WDR3: variants seen among roughly 807,000 people sequenced by gnomAD.
WDR3 encodes WD repeat domain 3.
A neutral mutation model predicts 123.7 loss-of-function variants in WDR3; 81 were observed. The ratio of observed to expected loss-of-function variants is 0.65; its 90% CI spans 0.55 to 0.79. WDR3 has a LOEUF of 0.79. Ranked by LOEUF, WDR3 falls within the 30% of genes least tolerant of loss-of-function variation. WDR3 has a pLI of 0.00. For missense variants in WDR3, 1,027 were observed against 1,123.2 expected (o/e 0.91, Z 1.22); for synonymous variants, 390 against 388.8 (o/e 1.00, Z -0.04).
In WDR3 at chr1:117,940,838, G is replaced by A. The variant is rs147020548; in HGVS notation, c.687G>A (p.Pro229=). ...DIAYLQEIED[P]EEPDPKKIKG... ...TTTTTATAAAACAGATTGAAGACCCGGAAGAACCAGACCCCAAGAAAATCA... is the reference window on the plus strand; with the variant it reads ...TTTTTATAAAACAGATTGAAGACCCAGAAGAACCAGACCCCAAGAAAATCA... The change falls in exon 7 of 27, where the codon CCG becomes CCA. Residue 229 remains proline (P), a synonymous_variant. Coordinates refer to ENST00000349139, the MANE Select transcript of WDR3 (RefSeq NM_006784.3). 1.2e-6 allele frequency: 2 copies of A among 1,611,342 alleles called. No homozygotes were observed. The highest frequency in any genetic ancestry group is 1.7e-6 in the Non-Finnish European group (2 of 1,179,294).
chr1:117,948,325 C>T, intron 12 of WDR3, 80 bp from the exon 13 acceptor site: 1 of 1,253,086 alleles, frequency 8.0e-7, no homozygotes. Flanking sequence ...GTTATGAAGT[C>T]TTTTCTAAAT....
Position 117,954,492 on chromosome 1 carries a change from T to A in WDR3, c.2362-88T>A, listed in dbSNP as rs1321313642. 3 of 1,333,558 alleles carry A rather than the reference T, an allele frequency of 2.2e-6. No homozygotes were observed. In the African/African-American group the frequency reaches 4.5e-5, roughly 20 times the overall value. The allele number at this position is 1,333,558 out of a possible 1,614,324, so 82.6% of individuals were successfully genotyped here. ...GGGTCTCTTTTTTCCCTTTTCAAAA[T>A]TATAAAATACAGTTACCACTCTGTC... is the stretch of plus-strand genomic sequence containing the variant. On this transcript the variant is annotated intron_variant, in intron 22 of 26. Coordinates refer to ENST00000349139, the MANE Select transcript of WDR3 (RefSeq NM_006784.3).
chr1:117,957,978 A>C (rs1652465273), intron 25 of WDR3, among the ~76,000 whole-genome samples: 1 of 152,234 alleles, frequency 6.6e-6, no homozygotes, highest in South Asian at 2.1e-4. Context: ...TTACTTATGA[A>C]GATTCTGTTA....
Position 117,953,539 on chromosome 1 carries a change from G to A in WDR3, c.2266G>A (p.Ala756Thr). 6.2e-7 allele frequency: 1 copy of A among 1,612,308 alleles called. No homozygotes were observed. The highest frequency in any genetic ancestry group is 8.5e-7 in the Non-Finnish European group (1 of 1,178,856). Residue 756 changes from alanine (A) to threonine (T), a missense_variant and splice_region_variant, in exon 21 of 27, where the codon GCA becomes ACA. Physicochemically the swap from Ala to Thr is moderately conservative, Grantham distance 58. Coordinates refer to ENST00000349139, the MANE Select transcript of WDR3 (RefSeq NM_006784.3). ...TGKKTIETVK[A>T]AERIMEAIEL... ...AAAGAAAACTATTGAAACAGTGAAA[G>A]CAGTAAGTTGATATAGAATGTGGTA...
chr1:117,948,424 A>G lies in WDR3; in HGVS notation c.1442A>G (p.Tyr481Cys), dbSNP rs1651484820. 1 of 1,614,004 alleles carries G rather than the reference A, an allele frequency of 6.2e-7. No homozygotes were observed. Among genetic ancestry groups the G allele is most frequent in the Non-Finnish European group, 8.5e-7 (1 of 1,179,928 alleles). ...IGTKTGKLQL[Y>C]DLASGNLLET... Reference sequence around the variant, plus strand: ...TCCCAGACAGGGAAGCTGCAGCTTTATGACTTGGCTTCAGGGAATCTGCTG... The same window carrying G: ...TCCCAGACAGGGAAGCTGCAGCTTTGTGACTTGGCTTCAGGGAATCTGCTG... Residue 481 changes from tyrosine (Y) to cysteine (C), a missense_variant, in exon 13 of 27, where the codon TAT becomes TGT. By Grantham distance (194) the Tyr-to-Cys change is radical (BLOSUM62 -2). Transcript: ENST00000349139.
At chr1:117,946,306 G>T in intron 12 of WDR3, 127 bp downstream of exon 12, 3 of 597,338 alleles carry the variant, frequency 5.0e-6, no homozygotes, top group Non-Finnish European at 5.4e-6. Flanking sequence ...GAGGATGTTA[G>T]TTTATTACAT....
Position 117,959,468 on chromosome 1 carries a change from T to C in WDR3, c.*21T>C. 6.4e-7 allele frequency: 1 copy of C among 1,567,060 alleles called. No individual in the cohort carries two copies. Among genetic ancestry groups the C allele is most frequent in the Non-Finnish European group, 8.6e-7 (1 of 1,160,844 alleles). On this transcript the variant is annotated 3_prime_UTR_variant, in exon 27 of 27. Coordinates refer to ENST00000349139, the MANE Select transcript of WDR3 (RefSeq NM_006784.3). ...CTTAGAACTGAAATGTGGTATCTTTTTTTTTTTCAACTTTTTCCTTTAAAG... is the reference window on the plus strand; with the variant it reads ...CTTAGAACTGAAATGTGGTATCTTTCTTTTTTTCAACTTTTTCCTTTAAAG...
chr1:117,934,195 A>G (rs927259816), intron 2 of WDR3, among the ~76,000 whole-genome samples: 1 of 152,346 alleles, frequency 6.6e-6, no homozygotes, highest in East Asian at 1.9e-4. Flanking sequence ...TAAAGGGATT[A>G]AATTTATTTT....
Position 117,955,323 on chromosome 1 carries a change from T to A in WDR3, c.2418T>A (p.Ala806=), listed in dbSNP as rs139595449. 1 of 1,612,212 alleles carries A rather than the reference T, an allele frequency of 6.2e-7. No individual in the cohort carries two copies. The highest frequency in any genetic ancestry group is 2.2e-5 in the East Asian group (1 of 44,818). The part of the protein sequence containing the change: ...LMAYGSISPS[A]YVLEIFKGIK... ...TAATCCTTCCTTTATAGCCTTCAGC[T>A]TATGTATTAGAGATTTTTAAAGGGA... Residue 806 remains alanine, a synonymous_variant, in exon 24 of 27, where the codon GCT becomes GCA. Coordinates refer to ENST00000349139, the MANE Select transcript of WDR3 (RefSeq NM_006784.3).
At chr1:117,946,930 G>GA (rs1033284363) in intron 12 of WDR3, among the ~76,000 whole-genome samples, 1 of 113,786 alleles carries the variant, frequency 8.8e-6, no homozygotes, top group Non-Finnish European at 1.7e-5. Context: ...GACAGAGCAA[G>GA]ACTCCATCTC....
chr1:117,943,923 C>G (rs564202055), intron 11 of WDR3, among the ~76,000 whole-genome samples: 1 of 152,108 alleles, frequency 6.6e-6, no homozygotes, highest in African/African-American at 2.4e-5. Context: ...GCTGTTATTG[C>G]TGCCCAGTAA....
rs994661683 is a variant in WDR3 at position 117,938,377 on chromosome 1, A to G, written c.501-103A>G. On this transcript the variant is annotated intron_variant, in intron 4 of 26. Coordinates refer to ENST00000349139, the MANE Select transcript of WDR3 (RefSeq NM_006784.3). Reference sequence around the variant, plus strand: ...GAATCGGAGCTTTAGACATTATTGAAGCATATGTTCCTTTTAAAGCAACAG... The same window carrying G: ...GAATCGGAGCTTTAGACATTATTGAGGCATATGTTCCTTTTAAAGCAACAG... The G allele has an allele frequency of 4.9e-6, 4 of 823,890 alleles. No homozygotes were observed. In the Admixed American group the frequency reaches 1.0e-4, roughly 21 times the overall value. 51.0% of individuals were successfully genotyped at this position (823,890 alleles called of 1,614,324 possible). A position where few individuals can be genotyped will look rare whatever the true frequency, so the allele number is the denominator to read the frequency against.
At chr1:117,940,751 AAACAACAAC>A (rs1553204403) in intron 6 of WDR3, 67 bp from the exon 7 acceptor site, 13 of 1,311,384 alleles carry the variant, frequency 9.9e-6, no homozygotes, top group Admixed American at 2.1e-5. Context: ...AACAACAACA[AAACAACAAC>A]AACAACAACA....
chr1:117,943,430 T>A lies in WDR3; in HGVS notation c.1132T>A (p.Leu378Ile), dbSNP rs757030632. 13 of 1,614,086 alleles carry A rather than the reference T, an allele frequency of 8.1e-6. No individual in the cohort carries two copies. The highest frequency in any genetic ancestry group is 1.1e-5 in the Non-Finnish European group (13 of 1,180,004). The change falls in exon 11 of 27, where the codon TTA becomes ATA. Residue 378 changes from leucine to isoleucine, a missense_variant. Transcript: ENST00000349139. Reference protein sequence around the residue: ...FDLIHSPHGELKAVFLLQNNL... With the variant: ...FDLIHSPHGEIKAVFLLQNNL... Reference sequence around the variant, plus strand: ...CTTGATTCATTCACCTCACGGAGAGTTAAAGGCTGTCTTCCTGCTGCAGAA... The same window carrying A: ...CTTGATTCATTCACCTCACGGAGAGATAAAGGCTGTCTTCCTGCTGCAGAA...
chr1:117,958,934 C>G lies in WDR3; in HGVS notation c.2607C>G (p.Ser869Arg). The G allele has an allele frequency of 6.2e-7, 1 of 1,613,828 alleles. No homozygotes were observed. Among genetic ancestry groups the G allele is most frequent in the Non-Finnish European group, 8.5e-7 (1 of 1,179,898 alleles). Reference sequence around the variant, plus strand: ...GGATTCACTTTGGACAGATCACTAGCAATCAAATGCTTGTGCCAGTGATAG... The same window carrying G: ...GGATTCACTTTGGACAGATCACTAGGAATCAAATGCTTGTGCCAGTGATAG... ...LLRIHFGQIT[S>R]NQMLVPVIEK... Residue 869 changes from serine (S) to arginine (R), a missense_variant, in exon 26 of 27, where the codon AGC (serine) becomes AGG (arginine). Physicochemically the swap from Ser to Arg is moderately radical, Grantham distance 110. Transcript: ENST00000349139.
chr1:117,940,886 A>G lies in WDR3; in HGVS notation c.735A>G (p.Gln245=), dbSNP rs1334263302. 1.2e-6 allele frequency: 2 copies of G among 1,614,108 alleles called. No individual in the cohort carries two copies. The highest frequency in any genetic ancestry group is 3.3e-5 in the Admixed American group (2 of 60,006). Residue 245 remains glutamine, a synonymous_variant, in exon 7 of 27, where the codon CAA becomes CAG. Transcript: ENST00000349139. The part of the protein sequence containing the change: ...KKIKGSSPGI[Q]DTLEAEDGAF... ...TCAAAGGATCTTCTCCTGGAATACA[A>G]GATACTCTTGAGGCAGAGGATGGTG...
rs112692066 is a variant in WDR3, at chr1:117,940,706, C to T, written c.676-121C>T. ...TCATGCCATTGCACTCCAGCCTGGG[C>T]GACAGAGTAAGACTCTGTCTCCGAC... On this transcript the variant is annotated intron_variant, in intron 6 of 26. Coordinates refer to ENST00000349139, the MANE Select transcript of WDR3 (RefSeq NM_006784.3). 2,642 of 878,646 alleles carry T rather than the reference C, an allele frequency of 3.0e-3. 53 individuals are homozygous for T. The African/African-American group carries it at 0.04, about 13-fold the overall frequency. 54.4% of individuals were successfully genotyped at this position (878,646 alleles called of 1,614,324 possible). A position where few individuals can be genotyped will look rare whatever the true frequency, so the allele number is the denominator to read the frequency against.
In WDR3 at chr1:117,934,511, C is replaced by T. The variant is rs1328631896; in HGVS notation, c.210C>T (p.Cys70=). 7 of 1,613,998 alleles carry T rather than the reference C, an allele frequency of 4.3e-6. No individual in the cohort carries two copies. The highest frequency in any genetic ancestry group is 1.3e-5 in the African/African-American group (1 of 74,926). The change falls in exon 3 of 27, where the codon TGC becomes TGT. Residue 70 remains cysteine (C), a synonymous_variant. Transcript: ENST00000349139. ...ILQGLKQEVT[C]LCPSPDGLHL... is the part of the protein sequence containing the mutation. ...AGGGGCTTAAACAAGAAGTTACTTG[C>T]TTATGCCCCTCCCCAGATGGGCTAC...
chr1:117,934,714 T>TC (rs1650855662), intron 3 of WDR3, 32 bp downstream of exon 3: 1 of 1,608,934 alleles, frequency 6.2e-7, no homozygotes, highest in Admixed American at 1.7e-5. Context: ...GGCTTTGATC[T>TC]ATTAAAGGAA....
Sources: gnomAD v4.1 joint callset for allele counts (sites outside exome capture counted in the v4.1 genomes callset) on GRCh38, gnomAD v4.1.1 for gene constraint, MANE v1.5 for transcripts, NCBI Gene and HGNC (gene_info 2026-07-23, HGNC 2026-07-21) for gene names.